The following BTBD10 variants were observed in gnomAD, a reference collection of about 807,000 sequenced individuals.
BTBD10 encodes BTB/POZ domain-containing protein 10.
BTBD10 carries 21 observed loss-of-function variants against 53.2 expected under a neutral mutation model. That is an observed-to-expected ratio of 0.39 (90% CI 0.28 to 0.57). The LOEUF is 0.57. Ranked by LOEUF, BTBD10 falls within the 20% of genes least tolerant of loss-of-function variation. BTBD10 has a pLI of 0.53. For missense variants in BTBD10, 360 were observed against 594.7 expected (o/e 0.61, Z 4.10); for synonymous variants, 149 against 192.7 (o/e 0.77, Z 1.88).
chr11:13,454,325 A>G (rs191336136), intron 1 of BTBD10, among the ~76,000 whole-genome samples: 28 of 152,324 alleles, frequency 1.8e-4, no homozygotes, highest in African/African-American at 6.5e-4. Flanking sequence ...GGGATAAAAG[A>G]CAGAAAATAT....
intron 2 of BTBD10, among the ~76,000 whole-genome samples, chr11:13,440,470 T>G (rs1950625100): frequency 6.6e-6 from 1 of 152,210 alleles, no homozygotes; most frequent in Non-Finnish European, 1.5e-5. Flanking sequence ...CTAACTTTCT[T>G]TTTCCTTTCA....
At chr11:13,403,519 T>C (rs1438838579) in intron 7 of BTBD10, among the ~76,000 whole-genome samples, 3 of 76,202 alleles carry the variant, frequency 3.9e-5, no homozygotes, top group South Asian at 5.9e-4. Flanking sequence ...ACCCAATCCA[T>C]AGGAAGAATC....
At chr11:13,448,088 T>C (rs1950782116) in intron 1 of BTBD10, among the ~76,000 whole-genome samples, 1 of 152,174 alleles carries the variant, frequency 6.6e-6, no homozygotes, top group Admixed American at 6.5e-5. Flanking sequence ...ATTTGTCGGA[T>C]TTCATTCATT....
intron 1 of BTBD10, 128 bp downstream of exon 1, chr11:13,462,964 C>T (rs1437985073): frequency 6.5e-6 from 1 of 152,952 alleles, no homozygotes; most frequent in Non-Finnish European, 1.5e-5. Context: ...GGTCCGGCCG[C>T]CCAGACCACC....
At chr11:13,440,388 G>T in intron 2 of BTBD10, 2 of 808,082 alleles carry the variant, frequency 2.5e-6, no homozygotes, top group Non-Finnish European at 3.0e-6. Context: ...ATGTAGATAT[G>T]TTGCCAAATG....
At chr11:13,427,164 C>T (rs145159588) in intron 2 of BTBD10, among the ~76,000 whole-genome samples, 16,051 of 152,092 alleles carry the variant, frequency 0.11, 951 homozygotes, top group Middle Eastern at 0.15. Flanking sequence ...CTGCAGTGAG[C>T]GGAGATCGCA....
chr11:13,453,650 C>A (rs370426910), intron 1 of BTBD10, among the ~76,000 whole-genome samples: 1 of 152,250 alleles, frequency 6.6e-6, no homozygotes, highest in Middle Eastern at 3.4e-3. Flanking sequence ...GCCACATGTA[C>A]CCCATTAGAC....
chr11:13,454,248 C>T (rs1227957893), intron 1 of BTBD10, among the ~76,000 whole-genome samples: 2 of 152,126 alleles, frequency 1.3e-5, no homozygotes, highest in African/African-American at 4.8e-5. Context: ...GACTCTCACT[C>T]TCAAATAAGC....
chr11:13,399,367 G>A (rs572782340), intron 8 of BTBD10, among the ~76,000 whole-genome samples: 2 of 152,224 alleles, frequency 1.3e-5, no homozygotes, highest in South Asian at 2.1e-4. Context: ...CATTCGTCAC[G>A]TAGTTCTCGT....
At chr11:13,389,612 GA>G (rs1389981745) in intron 8 of BTBD10, among the ~76,000 whole-genome samples, 2 of 152,058 alleles carry the variant, frequency 1.3e-5, no homozygotes, top group African/African-American at 4.8e-5. Flanking sequence ...GTTTTTAGTA[GA>G]GGGGGGGTTT....
At chr11:13,393,624 C>CATGA (rs1240595349) in intron 8 of BTBD10, among the ~76,000 whole-genome samples, 3 of 152,010 alleles carry the variant, frequency 2.0e-5, no homozygotes, top group Non-Finnish European at 4.4e-5. Context: ...AAGAGTGCTT[C>CATGA]AGTACATAGA....
At chr11:13,419,291 A>C (rs1026836195) in intron 4 of BTBD10, among the ~76,000 whole-genome samples, 169 bp downstream of exon 4, 47 of 152,272 alleles carry the variant, frequency 3.1e-4, no homozygotes, top group African/African-American at 1.1e-3. Flanking sequence ...TCACTTTCTA[A>C]GCTGTATTAA....
At chr11:13,419,836 G>T in intron 3 of BTBD10, 91 bp from the exon 4 acceptor site, 2 of 1,208,312 alleles carry the variant, frequency 1.7e-6, no homozygotes, top group East Asian at 2.7e-5. Flanking sequence ...ATTTATAAAA[G>T]TTGTTTTAAG....
intron 6 of BTBD10, among the ~76,000 whole-genome samples, chr11:13,412,835 C>T (rs755508621): frequency 6.6e-6 from 1 of 152,226 alleles, no homozygotes; most frequent in African/African-American, 2.4e-5. Flanking sequence ...ACATTTGATA[C>T]TTCTCATACA....
At chr11:13,423,265 G>C (rs970657883) in intron 2 of BTBD10, among the ~76,000 whole-genome samples, 1 of 152,170 alleles carries the variant, frequency 6.6e-6, no homozygotes, top group Non-Finnish European at 1.5e-5. Context: ...ACAGAAGGAA[G>C]TTCATGGCTT....
In BTBD10 at chr11:13,419,665, C is replaced by A. The variant is rs760109036; in HGVS notation, c.379G>T (p.Ala127Ser). The A allele has an allele frequency of 6.2e-7, 1 of 1,614,076 alleles. No homozygotes were observed. Among genetic ancestry groups the A allele is most frequent in the Non-Finnish European group, 8.5e-7 (1 of 1,179,984 alleles). ...KASPNGSISS[A>S]GNSSRNSSQS... is the part of the protein sequence containing the mutation. ...CTACTGTTTCTGCTGCTGTTCCCAG[C>A]ACTGCTAATGGAACCATTTGGGGAT... The change falls in exon 4 of 9, where the codon GCT becomes TCT. Residue 127 changes from alanine (A) to serine (S), a missense_variant. Ala to Ser is a moderately conservative substitution (Grantham distance 99). Around this residue, in one of 6 missense-constraint regions of BTBD10, gnomAD observed 109 missense variants for 118.6 expected, o/e 0.92. Transcript: ENST00000278174.
intron 2 of BTBD10, among the ~76,000 whole-genome samples, chr11:13,425,410 T>C (rs1043733227): frequency 6.6e-6 from 1 of 152,046 alleles, no homozygotes; most frequent in African/African-American, 2.4e-5. Context: ...AAATTTACAA[T>C]GTATGGCATC....
chr11:13,453,592 G>A lies in BTBD10; in HGVS notation c.-57-8411C>T, dbSNP rs181039134. Among the ~76,000 whole-genome samples, 5 of 152,082 alleles carry A rather than the reference G, an allele frequency of 3.3e-5. No homozygotes were observed. The East Asian group carries it at 9.7e-4, about 29-fold the overall frequency. On this transcript the variant is annotated intron_variant, in intron 1 of 8. Coordinates refer to ENST00000278174, the MANE Select transcript of BTBD10 (RefSeq NM_032320.7). ...AAGTGTAGTTTTGTAAATTTTTTTG[G>A]ATTGCTTAAATATAGTCACTACATA...
chr11:13,449,123 G>C (rs973923674), intron 1 of BTBD10, among the ~76,000 whole-genome samples: 1 of 152,074 alleles, frequency 6.6e-6, no homozygotes, highest in East Asian at 1.9e-4. Flanking sequence ...AGGAGGTGGG[G>C]GTTGGGGGAT....
Sources: allele counts gnomAD v4.1 joint callset (sites outside exome capture counted in the v4.1 genomes callset), GRCh38; gene constraint gnomAD v4.1.1; regional missense constraint gnomAD v4.1.1; transcripts MANE v1.5; gene names NCBI Gene and HGNC (gene_info 2026-07-23, HGNC 2026-07-21).